APBA2: variants seen among roughly 807,000 people sequenced by gnomAD.
The protein encoded by APBA2 is amyloid beta precursor protein binding family A member 2.
APBA2 carries 30 observed loss-of-function variants against 75.0 expected under a neutral mutation model. That is an observed-to-expected ratio of 0.40 (90% confidence interval 0.30 to 0.54). APBA2 has a LOEUF of 0.54. Ranked by LOEUF, APBA2 falls within the 20% of genes least tolerant of loss-of-function variation. APBA2 has a pLI of 0.49. For missense variants in APBA2, 801 were observed against 1,016.1 expected (o/e 0.79, Z 2.88); for synonymous variants, 444 against 409.6 (o/e 1.08, Z -1.01).
intron 12 of APBA2, among the ~76,000 whole-genome samples, chr15:29,107,161 C>T (rs2044461190): frequency 6.6e-6 from 1 of 152,178 alleles, no homozygotes; most frequent in African/African-American, 2.4e-5. Flanking sequence ...GCCAGGTTAG[C>T]ACTGAAAGTC....
intron 11 of APBA2, 79 bp downstream of exon 11, chr15:29,105,637 C>A: frequency 6.6e-7 from 1 of 1,521,618 alleles, no homozygotes; most frequent in South Asian, 1.1e-5. Flanking sequence ...CGAGCCTTCC[C>A]GGGGTCCTCA....
At chr15:29,076,163 T>G (rs1443239015) in intron 6 of APBA2, 72 bp downstream of exon 6, 1 of 1,507,274 alleles carries the variant, frequency 6.6e-7, no homozygotes, top group African/African-American at 1.4e-5. Flanking sequence ...GCTTTTAGTT[T>G]GGGCATTCAC....
intron 3 of APBA2, among the ~76,000 whole-genome samples, chr15:29,003,053 G>C (rs2038932555): frequency 6.6e-6 from 1 of 152,156 alleles, no homozygotes; most frequent in South Asian, 2.1e-4. Context: ...CTTGATGGAG[G>C]AGCTAGGGGG....
chr15:29,058,937 G>C (rs968526449), intron 4 of APBA2, among the ~76,000 whole-genome samples: 1 of 152,220 alleles, frequency 6.6e-6, no homozygotes, highest in African/African-American at 2.4e-5. Context: ...GCTCTTAGAG[G>C]TGTTGTGTAA....
intron 2 of APBA2, among the ~76,000 whole-genome samples, chr15:28,926,793 A>G (rs1566805391): frequency 1.3e-5 from 2 of 151,368 alleles, no homozygotes; most frequent in African/African-American, 4.9e-5. Context: ...CTGAACATAG[A>G]ATGCTAGGTT....
intron 2 of APBA2, among the ~76,000 whole-genome samples, chr15:28,962,012 C>T (rs891558357): frequency 6.6e-6 from 1 of 152,094 alleles, no homozygotes; most frequent in Admixed American, 6.6e-5. Context: ...ACTTCATTTA[C>T]CAGTTTTGAA....
intron 1 of APBA2, among the ~76,000 whole-genome samples, chr15:28,893,389 C>G (rs1046599276): frequency 6.6e-6 from 1 of 152,230 alleles, no homozygotes; most frequent in Non-Finnish European, 1.5e-5. Context: ...CTTACTGATT[C>G]TGGCTAGTAC....
chr15:29,109,422 G>C (rs1187419890), intron 13 of APBA2, among the ~76,000 whole-genome samples: 1 of 152,120 alleles, frequency 6.6e-6, no homozygotes, highest in Non-Finnish European at 1.5e-5. Context: ...TCATGCTGCA[G>C]TTTAATTTGC....
intron 1 of APBA2, among the ~76,000 whole-genome samples, chr15:28,911,489 G>A (rs532932135): frequency 2.6e-5 from 4 of 152,318 alleles, no homozygotes; most frequent in African/African-American, 9.6e-5. Context: ...CAGACCCACC[G>A]CTGCTCTTCA....
At chr15:29,000,518 C>T (rs1399945408) in intron 3 of APBA2, among the ~76,000 whole-genome samples, 1 of 152,212 alleles carries the variant, frequency 6.6e-6, no homozygotes, top group East Asian at 1.9e-4. Context: ...CTGGTTCATC[C>T]TCCACCTTGG....
chr15:29,057,631 A>C (rs1223827034), intron 4 of APBA2, among the ~76,000 whole-genome samples: 1 of 152,198 alleles, frequency 6.6e-6, no homozygotes, highest in African/African-American at 2.4e-5. Context: ...ATGTATGATA[A>C]ATGTTTCTCC....
chr15:28,931,967 C>T (rs1203099685), intron 2 of APBA2, among the ~76,000 whole-genome samples: 1 of 152,194 alleles, frequency 6.6e-6, no homozygotes, highest in Non-Finnish European at 1.5e-5. Flanking sequence ...ACAGGATCTA[C>T]AGCACACAGC....
At chr15:28,987,921 C>A (rs2038015912) in intron 2 of APBA2, among the ~76,000 whole-genome samples, 1 of 151,578 alleles carries the variant, frequency 6.6e-6, no homozygotes, top group African/African-American at 2.4e-5. Context: ...CCACACCTGG[C>A]TAATTTGGGT....
chr15:29,033,323 T>C (rs940537438), intron 3 of APBA2, among the ~76,000 whole-genome samples: 3 of 152,166 alleles, frequency 2.0e-5, no homozygotes, highest in Non-Finnish European at 2.9e-5. Context: ...GACCTCTCTG[T>C]CCACAACAGG....
At chr15:28,896,490 A>G (rs1427232770) in intron 1 of APBA2, among the ~76,000 whole-genome samples, 2 of 152,236 alleles carry the variant, frequency 1.3e-5, no homozygotes, top group African/African-American at 2.4e-5. Flanking sequence ...CGTGTTAGCC[A>G]GGATGGTCTT....
At chr15:28,904,086 T>A (rs2033014942) in intron 1 of APBA2, among the ~76,000 whole-genome samples, 1 of 152,224 alleles carries the variant, frequency 6.6e-6, no homozygotes, top group Non-Finnish European at 1.5e-5. Flanking sequence ...GAGAGAACAC[T>A]TTTATTTAAA....
At chr15:29,002,658 T>A (rs1328294733) in intron 3 of APBA2, among the ~76,000 whole-genome samples, 1 of 152,130 alleles carries the variant, frequency 6.6e-6, no homozygotes, top group Non-Finnish European at 1.5e-5. Flanking sequence ...TGGATTTGTA[T>A]TCATTGTTCA....
chr15:28,997,692 A>G (rs1435333419), intron 3 of APBA2, among the ~76,000 whole-genome samples: 2 of 152,214 alleles, frequency 1.3e-5, no homozygotes, highest in East Asian at 3.8e-4. Flanking sequence ...GTGTCATTAC[A>G]TTCTGTTAGA....
chr15:29,055,030 C>T lies in APBA2; in HGVS notation c.951+195C>T, dbSNP rs139535699. Among the ~76,000 whole-genome samples the T allele has an allele frequency of 3.0e-3, 454 of 152,290 alleles. 2 individuals are homozygous for T. Among genetic ancestry groups the T allele is most frequent in the African/African-American group, 0.01 (431 of 41,548 alleles). Reference sequence around the variant, plus strand: ...ATGCTCCGGCCACTCTTAAGCTCACCGCTCAGACTCAGGACTAAAGCCGGT... The same window carrying T: ...ATGCTCCGGCCACTCTTAAGCTCACTGCTCAGACTCAGGACTAAAGCCGGT... On this transcript the variant is annotated intron_variant, in intron 4 of 14. Transcript: ENST00000683413.
Sources: allele counts gnomAD v4.1 joint callset (sites outside exome capture counted in the v4.1 genomes callset), GRCh38; gene constraint gnomAD v4.1.1; transcripts MANE v1.5; gene names NCBI Gene and HGNC (gene_info 2026-07-23, HGNC 2026-07-21).